The following PDE4B variants were observed in gnomAD, a reference collection of about 807,000 sequenced individuals.
The protein encoded by PDE4B is phosphodiesterase 4B.
A neutral mutation model predicts 82.2 loss-of-function variants in PDE4B; 20 were observed. That is an observed-to-expected ratio of 0.24 (90% CI 0.17 to 0.35). PDE4B has a LOEUF of 0.35. PDE4B is among the 10% of genes least tolerant of loss of function. The probability of loss-of-function intolerance (pLI) is 1.00; values close to 1 mark genes in which losing one functional copy is unlikely to be tolerated. For synonymous variants in PDE4B, 320 were observed against 318.9 expected (o/e 1.00, Z -0.04); for missense variants, 655 against 907.2 (o/e 0.72, Z 3.57).
chr1:65,958,026 G>T (rs1480207059), intron 3 of PDE4B, among the ~76,000 whole-genome samples: 2 of 151,846 alleles, frequency 1.3e-5, no homozygotes, highest in Non-Finnish European at 2.9e-5. Flanking sequence ...TGGGTGTTTA[G>T]TACAGTGCTG....
At chr1:66,153,782 A>G (rs1388053267) in intron 3 of PDE4B, among the ~76,000 whole-genome samples, 2 of 152,196 alleles carry the variant, frequency 1.3e-5, no homozygotes, top group Non-Finnish European at 2.9e-5. Flanking sequence ...TCCTACATAC[A>G]GACATTAGCC....
chr1:66,126,430 C>G (rs1476768272), intron 3 of PDE4B, among the ~76,000 whole-genome samples: 2 of 152,196 alleles, frequency 1.3e-5, no homozygotes, highest in Non-Finnish European at 2.9e-5. Context: ...CATTTTTAAA[C>G]TTTAAACTTC....
chr1:66,000,210 CAT>C (rs1165222984), intron 3 of PDE4B, among the ~76,000 whole-genome samples: 2 of 152,206 alleles, frequency 1.3e-5, no homozygotes, highest in Admixed American at 6.6e-5. Flanking sequence ...GAAAGCTCTA[CAT>C]ATCTCTCACC....
chr1:65,981,847 C>A (rs1012843207), intron 3 of PDE4B, among the ~76,000 whole-genome samples: 1 of 152,082 alleles, frequency 6.6e-6, no homozygotes, highest in Non-Finnish European at 1.5e-5. Flanking sequence ...GCCTTCCCCC[C>A]AAGAAAGGGC....
At chr1:65,899,441 T>C (rs1433236763) in intron 1 of PDE4B, among the ~76,000 whole-genome samples, 1 of 151,968 alleles carries the variant, frequency 6.6e-6, no homozygotes, top group Non-Finnish European at 1.5e-5. Context: ...AAAGTAGAAC[T>C]ACTATTTGCT....
intron 1 of PDE4B, among the ~76,000 whole-genome samples, chr1:65,900,159 G>C (rs1247861368): frequency 6.6e-6 from 1 of 152,112 alleles, no homozygotes; most frequent in East Asian, 1.9e-4. Context: ...TAGGGGTCCA[G>C]TTTCATTCTT....
intron 1 of PDE4B, among the ~76,000 whole-genome samples, chr1:65,908,247 C>T (rs1304881591): frequency 1.3e-5 from 2 of 152,156 alleles, no homozygotes; most frequent in Non-Finnish European, 2.9e-5. Context: ...CTCTTCTAGT[C>T]TCCTACCAGT....
At chr1:65,793,796 C>T (rs1273308850) in intron 1 of PDE4B, among the ~76,000 whole-genome samples, 1 of 152,200 alleles carries the variant, frequency 6.6e-6, no homozygotes, top group Non-Finnish European at 1.5e-5. Context: ...GGTGAGGGGG[C>T]TTGGACCTTT....
intron 3 of PDE4B, among the ~76,000 whole-genome samples, chr1:66,170,513 A>G (rs533451399): frequency 6.6e-6 from 1 of 152,260 alleles, no homozygotes; most frequent in South Asian, 2.1e-4. Flanking sequence ...TTTAAATATG[A>G]CTATTTTAAA....
intron 3 of PDE4B, among the ~76,000 whole-genome samples, chr1:65,924,715 G>T (rs1288306951): frequency 2.6e-5 from 4 of 152,186 alleles, no homozygotes; most frequent in Non-Finnish European, 4.4e-5. Flanking sequence ...GGGCAGAACT[G>T]CTTCCAACCT....
At chr1:65,929,687 C>G (rs537148450) in intron 3 of PDE4B, among the ~76,000 whole-genome samples, 4 of 152,198 alleles carry the variant, frequency 2.6e-5, no homozygotes, top group African/African-American at 4.8e-5. Flanking sequence ...CGCAACCAAT[C>G]AGCTTCATTA....
chr1:65,827,516 T>C (rs1298084801), intron 1 of PDE4B, among the ~76,000 whole-genome samples: 1 of 152,042 alleles, frequency 6.6e-6, no homozygotes, highest in Non-Finnish European at 1.5e-5. Flanking sequence ...TTCAACTGAC[T>C]CACTAGTGGA....
intron 3 of PDE4B, among the ~76,000 whole-genome samples, chr1:66,146,245 G>T (rs1041554203): frequency 2.2e-5 from 3 of 134,080 alleles, no homozygotes; most frequent in Non-Finnish European, 4.6e-5. Context: ...GTGCAGTGGC[G>T]CAATCTCTGC....
At chr1:65,911,158 C>T (rs1199497289) in intron 1 of PDE4B, among the ~76,000 whole-genome samples, 2 of 152,064 alleles carry the variant, frequency 1.3e-5, no homozygotes, top group Non-Finnish European at 2.9e-5. Context: ...TACAAAAATA[C>T]TCTTGCTTGT....
intron 3 of PDE4B, among the ~76,000 whole-genome samples, chr1:65,973,540 C>G (rs1237167004): frequency 6.6e-6 from 1 of 152,078 alleles, no homozygotes. Context: ...AACTTGGACA[C>G]AATAGACACC....
chr1:66,351,188 G>C (rs1011024875), intron 8 of PDE4B, among the ~76,000 whole-genome samples: 3 of 152,182 alleles, frequency 2.0e-5, no homozygotes, highest in African/African-American at 7.2e-5. Context: ...GTTGAAAAGG[G>C]GCATTGGCCA....
intron 7 of PDE4B, among the ~76,000 whole-genome samples, chr1:66,331,232 G>A (rs1660083242): frequency 6.6e-6 from 1 of 152,168 alleles, no homozygotes; most frequent in Non-Finnish European, 1.5e-5. Flanking sequence ...AATATGGCAG[G>A]AATGTTATAT....
chr1:65,979,195 TCAGTTAGG>T (rs1354678305), intron 3 of PDE4B, among the ~76,000 whole-genome samples: 3 of 152,208 alleles, frequency 2.0e-5, no homozygotes, highest in Non-Finnish European at 4.4e-5. Context: ...ATATATAATG[TCAGTTAGG>T]CAGTTACCAT....
At chr1:66,369,524 G>A (rs1663516413) in intron 16 of PDE4B, among the ~76,000 whole-genome samples, 1 of 152,196 alleles carries the variant, frequency 6.6e-6, no homozygotes, top group African/African-American at 2.4e-5. Context: ...GTGTGCTCAG[G>A]ACAGGGGACA....
Sources: allele counts gnomAD v4.1 joint callset (sites outside exome capture counted in the v4.1 genomes callset), GRCh38; gene constraint gnomAD v4.1.1; transcripts MANE v1.5; gene names NCBI Gene and HGNC (gene_info 2026-07-23, HGNC 2026-07-21).